The following CASP4 variants were observed in gnomAD, a reference collection of about 807,000 sequenced individuals.
CASP4 encodes caspase 4, also known as caspase-4.
CASP4 carries 29 observed loss-of-function variants against 41.3 expected under a neutral mutation model. The observed-to-expected ratio is 0.70, with a 90% CI of 0.52 to 0.96. The LOEUF (loss-of-function observed/expected upper bound fraction) is 0.96. Among genes scored for constraint, CASP4 ranks in the 40% least tolerant of loss-of-function variants. The pLI is 0.00. For missense variants in CASP4, 447 were observed against 460.6 expected (o/e 0.97, Z 0.27); for synonymous variants, 185 against 158.4 (o/e 1.17, Z -1.26).
Position 104,964,070 on chromosome 11 carries a change from TATA to T in CASP4, c.7+4446_7+4448del, listed in dbSNP as rs202034421. ...AAATTTACTGTACATTATTAGTAATTATAATTGTTATACAAAATTGTTGGATGC... is the reference window on the plus strand; with the variant it reads ...AAATTTACTGTACATTATTAGTAATTATTGTTATACAAAATTGTTGGATGC... On this transcript the variant is annotated intron_variant, in intron 1 of 8. Coordinates refer to ENST00000444739, the MANE Select transcript of CASP4 (RefSeq NM_001225.4). 5.5e-3 allele frequency among the ~76,000 whole-genome samples: 841 copies of T among 152,330 alleles called. 9 individuals are homozygous for T. The highest frequency in any genetic ancestry group is 0.024 in the Middle Eastern group (7 of 294).
At chr11:104,968,317 C>T (rs1183891992) in intron 1 of CASP4, among the ~76,000 whole-genome samples, 1 of 152,200 alleles carries the variant, frequency 6.6e-6, no homozygotes, top group Non-Finnish European at 1.5e-5. Context: ...TTCTTTCTGG[C>T]TCAAAGACAT....
chr11:104,944,597 C>T (rs940467930), intron 8 of CASP4, 151 bp downstream of exon 8: 3 of 562,490 alleles, frequency 5.3e-6, no homozygotes, highest in African/African-American at 1.9e-5. Flanking sequence ...ACATGTAAGT[C>T]GGAAAGAAGT....
At chr11:104,958,808 A>G in intron 1 of CASP4, among the ~76,000 whole-genome samples, 1 of 151,938 alleles carries the variant, frequency 6.6e-6, no homozygotes, top group Non-Finnish European at 1.5e-5. Context: ...TAAAAATACA[A>G]AAATTAGCCG....
At chr11:104,946,826 T>A (rs1005743603) in intron 7 of CASP4, 4 of 244,142 alleles carry the variant, frequency 1.6e-5, no homozygotes, top group African/African-American at 9.0e-5. Context: ...AAAATATTTT[T>A]CCTTCTCTAA....
In CASP4 at chr11:104,949,847, T is replaced by C. The variant is rs1860564453; in HGVS notation, c.547-70A>G. ...TTAAAGGGGACTCCTAGATTTACCA[T>C]GAGCGAAACAAGAAACATATGTAAC... is the stretch of plus-strand genomic sequence containing the variant. On this transcript the variant is annotated intron_variant, in intron 4 of 8. Transcript: ENST00000444739. 6.2e-6 allele frequency: 9 copies of C among 1,444,138 alleles called. 1 individual carries two copies. In the South Asian group the frequency reaches 1.0e-4, roughly 17 times the overall value. 89.5% of individuals were successfully genotyped at this position (1,444,138 alleles called of 1,614,324 possible). A position where few individuals can be genotyped will look rare whatever the true frequency, so the allele number is the denominator to read the frequency against.
At position 104,951,040 on chromosome 11, in the gene CASP4, G is replaced by A. The variant is rs746792169; in HGVS notation, c.431C>T (p.Thr144Ile). ...CCTCGGAGGCAGATGGTCAAACTCT[G>A]TATTGCATATGATGAGAGCCAGGCG... ...RTRLALIICN[T>I]EFDHLPPRNG... The change falls in exon 4 of 9, where the codon ACA becomes ATA. Residue 144 changes from threonine (T) to isoleucine (I), a missense_variant. Thr to Ile is a moderately conservative substitution (Grantham distance 89). Transcript: ENST00000444739. 6.2e-7 allele frequency: 1 copy of A among 1,613,430 alleles called. No homozygotes were observed. The highest frequency in any genetic ancestry group is 8.5e-7 in the Non-Finnish European group (1 of 1,179,560).
intron 1 of CASP4, among the ~76,000 whole-genome samples, chr11:104,958,982 AAAAAAG>A (rs1184856187): frequency 6.6e-6 from 1 of 150,872 alleles, no homozygotes; most frequent in African/African-American, 2.4e-5. Flanking sequence ...AAAAAAAAAA[AAAAAAG>A]AGTAAATTAG....
Position 104,946,942 on chromosome 11 carries a change from A to G in CASP4, c.1035+141T>C, listed in dbSNP as rs946770778. The G allele has an allele frequency of 9.7e-6, 6 of 618,280 alleles. No individual in the cohort carries two copies. The African/African-American group carries it at 1.1e-4, about 11-fold the overall frequency. 38.3% of individuals were successfully genotyped at this position (618,280 alleles called of 1,614,324 possible). ...TTGGAATTGTCTTTTCCTTAGCCAT[A>G]TTTTAAACAACTGAATGACAGAAAC... On this transcript the variant is annotated intron_variant, in intron 7 of 8. Transcript: ENST00000444739.
At chr11:104,950,630 A>G (rs1038711745) in intron 4 of CASP4, among the ~76,000 whole-genome samples, 14 of 152,108 alleles carry the variant, frequency 9.2e-5, no homozygotes, top group African/African-American at 3.4e-4. Context: ...TCATTACTCT[A>G]CAATTTTCTG....
rs531665702 is a variant in CASP4 at position 104,963,047 on chromosome 11, C to T, written c.7+5472G>A. Among the ~76,000 whole-genome samples, 392 of 152,218 alleles carry T rather than the reference C, an allele frequency of 2.6e-3. 4 individuals carry two copies. The highest frequency in any genetic ancestry group is 9.2e-3 in the African/African-American group (381 of 41,542). On this transcript the variant is annotated intron_variant, in intron 1 of 8. Coordinates refer to ENST00000444739, the MANE Select transcript of CASP4 (RefSeq NM_001225.4). ...AGTTACTTTTGATAAAGTTCAAAAGCCAGAAATGTTGGCCGCATGGCTAAA... is the reference window on the plus strand; with the variant it reads ...AGTTACTTTTGATAAAGTTCAAAAGTCAGAAATGTTGGCCGCATGGCTAAA...
intron 1 of CASP4, among the ~76,000 whole-genome samples, chr11:104,964,052 C>G (rs1032616575): frequency 8.5e-5 from 13 of 152,112 alleles, no homozygotes; most frequent in African/African-American, 2.4e-4. Context: ...ATAAAATTTA[C>G]TGTACATTAT....
At chr11:104,950,895 A>T (rs911838833) in intron 4 of CASP4, 30 bp downstream of exon 4, 1 of 1,601,078 alleles carries the variant, frequency 6.2e-7, no homozygotes, top group Non-Finnish European at 8.5e-7. Context: ...TTGAATATGT[A>T]TGTGTTTGTG....
chr11:104,965,827 A>T (rs530492008), intron 1 of CASP4, among the ~76,000 whole-genome samples: 2 of 152,308 alleles, frequency 1.3e-5, no homozygotes, highest in Non-Finnish European at 2.9e-5. Flanking sequence ...ATATCACTTT[A>T]TAAAATCTAA....
chr11:104,965,524 T>C (rs1860953773), intron 1 of CASP4, among the ~76,000 whole-genome samples: 1 of 152,224 alleles, frequency 6.6e-6, no homozygotes, highest in East Asian at 1.9e-4. Flanking sequence ...CTGAGGTAAT[T>C]ACGACAGTGA....
chr11:104,963,315 C>G (rs1029179809), intron 1 of CASP4, among the ~76,000 whole-genome samples: 2 of 152,062 alleles, frequency 1.3e-5, no homozygotes, highest in Non-Finnish European at 2.9e-5. Flanking sequence ...CTTTTGGTAG[C>G]CTGAGACTCC....
At chr11:104,954,523 T>C (rs985741327) in intron 2 of CASP4, among the ~76,000 whole-genome samples, 1 of 152,166 alleles carries the variant, frequency 6.6e-6, no homozygotes, top group African/African-American at 2.4e-5. Flanking sequence ...TATTAACTAT[T>C]TTTGTACACA....
At chr11:104,955,154 A>G (rs1372943779) in intron 1 of CASP4, among the ~76,000 whole-genome samples, 153 bp from the exon 2 acceptor site, 1 of 152,126 alleles carries the variant, frequency 6.6e-6, no homozygotes, top group Non-Finnish European at 1.5e-5. Flanking sequence ...GTCATTCATC[A>G]TATTCCTACC....
intron 1 of CASP4, among the ~76,000 whole-genome samples, chr11:104,966,772 T>G (rs935197989): frequency 6.6e-6 from 1 of 152,146 alleles, no homozygotes; most frequent in Non-Finnish European, 1.5e-5. Context: ...GAAAGTTAGA[T>G]TAATGGCAGA....
intron 6 of CASP4, chr11:104,948,266 C>A: frequency 4.3e-6 from 1 of 230,640 alleles, no homozygotes; most frequent in Non-Finnish European, 8.4e-6. Flanking sequence ...TCCTGGAATC[C>A]ATAAAAACAC....
Sources: allele counts gnomAD v4.1 joint callset (sites outside exome capture counted in the v4.1 genomes callset), GRCh38; gene constraint gnomAD v4.1.1; transcripts MANE v1.5; gene names NCBI Gene and HGNC (gene_info 2026-07-23, HGNC 2026-07-21).